XIRP2: variants seen among roughly 807,000 people sequenced by gnomAD.
XIRP2 encodes the protein xin actin-binding repeat-containing protein 2.
A neutral mutation model predicts 277.0 loss-of-function variants in XIRP2; 236 were observed. The observed-to-expected ratio is 0.85, with a 90% CI of 0.77 to 0.95. The LOEUF (loss-of-function observed/expected upper bound fraction) is 0.95, where lower values mean the gene tolerates loss of function less well. Ranked by LOEUF, XIRP2 falls within the 40% of genes least tolerant of loss-of-function variation. XIRP2 has a pLI of 0.00. For synonymous variants in XIRP2, 1,490 were observed against 1,416.5 expected (o/e 1.05, Z -1.17); for missense variants, 4,640 against 4,157.5 (o/e 1.12, Z -3.19).
intron 2 of XIRP2, among the ~76,000 whole-genome samples, chr2:167,073,104 T>G (rs1039004686): frequency 2.6e-5 from 4 of 152,188 alleles, no homozygotes; most frequent in Non-Finnish European, 5.9e-5. Context: ...CAACATTTTA[T>G]TTTAAACACA....
At chr2:166,916,835 T>C (rs1331991626) in intron 2 of XIRP2, among the ~76,000 whole-genome samples, 1 of 152,214 alleles carries the variant, frequency 6.6e-6, no homozygotes, top group Admixed American at 6.5e-5. Context: ...AATGACTTAT[T>C]TTAACTCATT....
intron 2 of XIRP2, among the ~76,000 whole-genome samples, chr2:167,032,634 A>G (rs950714693): frequency 6.6e-6 from 1 of 152,182 alleles, no homozygotes; most frequent in Non-Finnish European, 1.5e-5. Flanking sequence ...TTGTGGGCAA[A>G]TGATATGAAT....
intron 5 of XIRP2, among the ~76,000 whole-genome samples, chr2:167,225,470 A>G (rs1047997667): frequency 2.0e-5 from 3 of 152,190 alleles, no homozygotes; most frequent in Non-Finnish European, 2.9e-5. Context: ...AGGTCAGTAT[A>G]TTTCTATAAC....
intron 3 of XIRP2, among the ~76,000 whole-genome samples, chr2:167,188,639 C>A (rs1425977995): frequency 6.6e-6 from 1 of 152,148 alleles, no homozygotes; most frequent in East Asian, 1.9e-4. Context: ...AAACTGAATT[C>A]TATGCTTAAG....
intron 2 of XIRP2, among the ~76,000 whole-genome samples, chr2:167,060,989 T>A (rs1689159476): frequency 6.6e-6 from 1 of 152,148 alleles, no homozygotes; most frequent in Non-Finnish European, 1.5e-5. Context: ...TGAACCTTCC[T>A]ATTTATGCTT....
chr2:167,016,081 T>C (rs1687820768), intron 2 of XIRP2, among the ~76,000 whole-genome samples: 1 of 151,730 alleles, frequency 6.6e-6, no homozygotes, highest in Admixed American at 6.6e-5. Flanking sequence ...CGTATTCATG[T>C]AAAGCAATAT....
At chr2:167,036,086 GT>G (rs1688499115) in intron 2 of XIRP2, among the ~76,000 whole-genome samples, 1 of 152,222 alleles carries the variant, frequency 6.6e-6, no homozygotes, top group Non-Finnish European at 1.5e-5. Context: ...TCAGGCAAAA[GT>G]TTGCTGCAGA....
At chr2:167,028,282 A>G (rs1688230572) in intron 2 of XIRP2, among the ~76,000 whole-genome samples, 1 of 152,042 alleles carries the variant, frequency 6.6e-6, no homozygotes, top group South Asian at 2.1e-4. Context: ...AAACCTCAAG[A>G]TAGTATGTAT....
intron 2 of XIRP2, among the ~76,000 whole-genome samples, chr2:166,950,029 A>C (rs1430323086): frequency 6.6e-6 from 1 of 152,054 alleles, no homozygotes; most frequent in East Asian, 1.9e-4. Flanking sequence ...GAACATTTGG[A>C]TATAAAAGGA....
At chr2:167,162,413 C>G (rs1161657188) in intron 3 of XIRP2, among the ~76,000 whole-genome samples, 1 of 152,192 alleles carries the variant, frequency 6.6e-6, no homozygotes, top group African/African-American at 2.4e-5. Flanking sequence ...CTGGGGAAGC[C>G]TCACAATCAT....
At chr2:167,112,745 G>T (rs1176816709) in intron 2 of XIRP2, among the ~76,000 whole-genome samples, 1 of 151,944 alleles carries the variant, frequency 6.6e-6, no homozygotes. Context: ...TCCACCTCCT[G>T]GGTTCAAGTG....
intron 2 of XIRP2, among the ~76,000 whole-genome samples, chr2:167,082,112 C>T (rs1558972396): frequency 6.7e-6 from 1 of 149,086 alleles, no homozygotes; most frequent in Admixed American, 6.7e-5. Flanking sequence ...CTACCCACCA[C>T]AGTCCCCAGA....
chr2:167,120,428 T>C (rs185797766), intron 2 of XIRP2, among the ~76,000 whole-genome samples: 96 of 152,306 alleles, frequency 6.3e-4, no homozygotes, highest in African/African-American at 2.3e-3. Context: ...ACCTTGTGAT[T>C]CACAATCCTA....
At chr2:167,031,181 A>C (rs553850003) in intron 2 of XIRP2, among the ~76,000 whole-genome samples, 1 of 152,226 alleles carries the variant, frequency 6.6e-6, no homozygotes, top group Admixed American at 6.5e-5. Flanking sequence ...TGGGGCATTT[A>C]GCCCATTTAC....
chr2:167,087,672 A>T (rs1184480810), intron 2 of XIRP2, among the ~76,000 whole-genome samples: 2 of 152,170 alleles, frequency 1.3e-5, no homozygotes, highest in African/African-American at 4.8e-5. Context: ...CGGTCGGAAA[A>T]GCGCAGTATT....
At chr2:166,908,318 G>A (rs1407574916) in intron 2 of XIRP2, among the ~76,000 whole-genome samples, 1 of 152,200 alleles carries the variant, frequency 6.6e-6, no homozygotes, top group Non-Finnish European at 1.5e-5. Flanking sequence ...TAACTGGTGT[G>A]AGATGGTATC....
At chr2:166,924,047 A>T (rs1000340854) in intron 2 of XIRP2, among the ~76,000 whole-genome samples, 2 of 152,078 alleles carry the variant, frequency 1.3e-5, no homozygotes, top group African/African-American at 4.8e-5. Flanking sequence ...GAAAAAAAAT[A>T]AGCTGGACAC....
intron 3 of XIRP2, among the ~76,000 whole-genome samples, chr2:167,192,016 G>A (rs952751006): frequency 1.3e-5 from 2 of 151,930 alleles, no homozygotes; most frequent in African/African-American, 4.8e-5. Context: ...TAATTTGATA[G>A]TTATCAACAT....
chr2:166,916,206 A>G (rs1307256065), intron 2 of XIRP2, among the ~76,000 whole-genome samples: 1 of 152,192 alleles, frequency 6.6e-6, no homozygotes, highest in Non-Finnish European at 1.5e-5. Context: ...CATGGCTTAC[A>G]TTTTGGCTTC....
Sources: allele counts gnomAD v4.1 joint callset (sites outside exome capture counted in the v4.1 genomes callset), GRCh38; gene constraint gnomAD v4.1.1; transcripts MANE v1.5; gene names NCBI Gene and HGNC (gene_info 2026-07-23, HGNC 2026-07-21).